Variants in EGFR observed in about 807,000 individuals in gnomAD.
The protein encoded by EGFR is avian erythroblastic leukemia viral (v-erb-b) oncogene homolog.
A neutral mutation model predicts 143.0 loss-of-function variants in EGFR; 58 were observed. The observed-to-expected ratio is 0.41, with a 90% CI of 0.33 to 0.50. The LOEUF is 0.50. Ranked by LOEUF, EGFR falls within the 20% of genes least tolerant of loss-of-function variation. The pLI is 0.39. For missense variants in EGFR, 1,307 were observed against 1,579.0 expected, an observed-to-expected ratio of 0.83 and a Z score of 2.92; for synonymous variants, 613 against 594.4, an observed-to-expected ratio of 1.03 and a Z score of -0.45.
chr7:55,107,644 G>A (rs1293741532), intron 1 of EGFR, among the ~76,000 whole-genome samples: 2 of 152,240 alleles, frequency 1.3e-5, no homozygotes, highest in Admixed American at 1.3e-4. Flanking sequence ...GATCACGGCA[G>A]TGAATTCCAG....
At chr7:55,060,091 T>G (rs759167) in intron 1 of EGFR, among the ~76,000 whole-genome samples, 117,796 of 152,174 alleles carry the variant, frequency 0.77, 45,774 homozygotes, top group East Asian at 0.92. Flanking sequence ...TGAGAAAGGC[T>G]CACAGGGACA....
rs527602819 is a variant in EGFR at position 55,205,816 on chromosome 7, A to G, written c.*199A>G. 1.5e-4 allele frequency: 103 copies of G among 706,718 alleles called. 1 individual carries two copies. In the African/African-American group the frequency reaches 1.8e-3, roughly 12 times the overall value. 43.8% of individuals were successfully genotyped at this position (706,718 alleles called of 1,614,324 possible). On this transcript the variant is annotated 3_prime_UTR_variant, in exon 28 of 28. Coordinates refer to ENST00000275493, the MANE Select transcript of EGFR (RefSeq NM_005228.5). The stretch of plus-strand genomic sequence containing the variant: ...GGGAAGTTGCATTCCTTTGTCTTCA[A>G]ACTGTGAAGCATTTACAGAAACGCA...
intron 1 of EGFR, among the ~76,000 whole-genome samples, chr7:55,041,642 A>C (rs1302215114): frequency 6.6e-6 from 1 of 152,228 alleles, no homozygotes; most frequent in Non-Finnish European, 1.5e-5. Flanking sequence ...AACATGTTTA[A>C]ACTAGTGAAT....
At chr7:55,095,826 AC>A (rs1791432876) in intron 1 of EGFR, among the ~76,000 whole-genome samples, 1 of 151,856 alleles carries the variant, frequency 6.6e-6, no homozygotes, top group Admixed American at 6.6e-5. Context: ...AGAGACATAC[AC>A]ACAGCCCACA....
At chr7:55,098,722 A>C (rs1428068587) in intron 1 of EGFR, among the ~76,000 whole-genome samples, 1 of 152,240 alleles carries the variant, frequency 6.6e-6, no homozygotes, top group Non-Finnish European at 1.5e-5. Context: ...TTGTCTTGTC[A>C]TCAAACAGAT....
chr7:55,105,052 AT>A (rs1792051016), intron 1 of EGFR, among the ~76,000 whole-genome samples: 1 of 152,228 alleles, frequency 6.6e-6, no homozygotes, highest in Non-Finnish European at 1.5e-5. Flanking sequence ...GTGCCCCTTT[AT>A]AAAGTGCTTG....
chr7:55,020,149 G>A (rs929030127), intron 1 of EGFR, among the ~76,000 whole-genome samples: 2 of 152,234 alleles, frequency 1.3e-5, no homozygotes, highest in African/African-American at 4.8e-5. Flanking sequence ...CCCGCCCCTT[G>A]GGCGCAGACC....
At chr7:55,198,607 G>C (rs1299351600) in intron 22 of EGFR, 110 bp from the exon 23 acceptor site, 2 of 1,539,880 alleles carry the variant, frequency 1.3e-6, no homozygotes, top group African/African-American at 2.7e-5. Context: ...CTACAGAAAT[G>C]TAGGTTTCTA....
At chr7:55,172,518 A>T (rs1289492985) in intron 16 of EGFR, among the ~76,000 whole-genome samples, 1 of 152,210 alleles carries the variant, frequency 6.6e-6, no homozygotes, top group Non-Finnish European at 1.5e-5. Flanking sequence ...AAGGACCCAG[A>T]GGAGTCTCAG....
intron 1 of EGFR, among the ~76,000 whole-genome samples, chr7:55,027,664 G>A (rs1430396122): frequency 6.6e-6 from 1 of 152,116 alleles, no homozygotes; most frequent in African/African-American, 2.4e-5. Flanking sequence ...TTATGAATAA[G>A]TAAAATGACT....
At chr7:55,034,089 C>G (rs529150454) in intron 1 of EGFR, among the ~76,000 whole-genome samples, 3 of 152,272 alleles carry the variant, frequency 2.0e-5, no homozygotes, top group African/African-American at 7.2e-5. Flanking sequence ...TCATGGTTCC[C>G]CAGGTGCCTG....
intron 1 of EGFR, among the ~76,000 whole-genome samples, chr7:55,096,293 T>C (rs1791463835): frequency 6.6e-6 from 1 of 152,206 alleles, no homozygotes; most frequent in Non-Finnish European, 1.5e-5. Context: ...AGATTTTTAA[T>C]TCTCCGGTTG....
chr7:55,162,045 T>C (rs900621680), intron 13 of EGFR, among the ~76,000 whole-genome samples: 3 of 152,228 alleles, frequency 2.0e-5, no homozygotes, highest in Non-Finnish European at 2.9e-5. Context: ...TATTGCCAAG[T>C]TAATATCTGT....
chr7:55,156,133 G>T (rs893029735), intron 8 of EGFR, among the ~76,000 whole-genome samples, 187 bp downstream of exon 8: 3 of 152,200 alleles, frequency 2.0e-5, no homozygotes, highest in Non-Finnish European at 2.9e-5. Flanking sequence ...AGGTTGTGAC[G>T]GGGTGGGGGG....
chr7:55,177,366 G>A (rs1369549092), intron 19 of EGFR, among the ~76,000 whole-genome samples: 1 of 152,194 alleles, frequency 6.6e-6, no homozygotes, highest in Admixed American at 6.5e-5. Flanking sequence ...GACAGCTCAT[G>A]GGGCCATGTG....
chr7:55,144,722 C>T (rs1457316737), intron 3 of EGFR, among the ~76,000 whole-genome samples: 3 of 152,140 alleles, frequency 2.0e-5, no homozygotes, highest in Non-Finnish European at 2.9e-5. Context: ...TCCTACAGTG[C>T]GCCTCACACG....
intron 1 of EGFR, among the ~76,000 whole-genome samples, chr7:55,126,077 G>C (rs1484956049): frequency 2.6e-5 from 4 of 152,122 alleles, no homozygotes; most frequent in Admixed American, 6.5e-5. Flanking sequence ...ACATGTGGCG[G>C]GGCCCCGCTT....
intron 1 of EGFR, among the ~76,000 whole-genome samples, chr7:55,058,931 G>A (rs1788998417): frequency 6.6e-6 from 1 of 152,140 alleles, no homozygotes; most frequent in Non-Finnish European, 1.5e-5. Flanking sequence ...TGTCTGGATG[G>A]CTCTAGCAAA....
intron 1 of EGFR, among the ~76,000 whole-genome samples, chr7:55,019,973 G>A (rs1231355805): frequency 6.6e-6 from 1 of 152,186 alleles, no homozygotes; most frequent in African/African-American, 2.4e-5. Flanking sequence ...CCGCCAGCCT[G>A]GCCCCGGCCC....
Sources: gnomAD v4.1 joint callset for allele counts (sites outside exome capture counted in the v4.1 genomes callset) on GRCh38, gnomAD v4.1.1 for gene constraint, MANE v1.5 for transcripts, NCBI Gene and HGNC (gene_info 2026-07-23, HGNC 2026-07-21) for gene names.